Variants in LSM12 observed in about 807,000 individuals in gnomAD.
LSM12 encodes protein LSM12.
For missense variants in LSM12, 108 were observed against 238.9 expected (o/e 0.45, Z 3.61); for synonymous variants, 74 against 87.3 (o/e 0.85, Z 0.85).
At chr17:44,039,082 T>G (rs2049453191) in intron 3 of LSM12, among the ~76,000 whole-genome samples, 1 of 151,714 alleles carries the variant, frequency 6.6e-6, no homozygotes, top group East Asian at 1.9e-4. Flanking sequence ...TGAGACGGAG[T>G]TTTGCTCTTG....
intron 2 of LSM12, among the ~76,000 whole-genome samples, chr17:44,051,311 A>T (rs2049640071): frequency 6.7e-6 from 1 of 150,344 alleles, no homozygotes; most frequent in African/African-American, 2.5e-5. Context: ...GAATCGCTTG[A>T]ACCTGGGAGG....
chr17:44,065,513 G>T (rs1245670721), intron 1 of LSM12, among the ~76,000 whole-genome samples: 1 of 151,338 alleles, frequency 6.6e-6, no homozygotes, highest in African/African-American at 2.4e-5. Flanking sequence ...CCCACCTGTG[G>T]CTCACATAAA....
At chr17:44,041,810 A>G (rs2049498768) in intron 2 of LSM12, among the ~76,000 whole-genome samples, 1 of 152,220 alleles carries the variant, frequency 6.6e-6, no homozygotes, top group Admixed American at 6.5e-5. Context: ...AGACAAAACA[A>G]ATGTGCTAGA....
chr17:44,063,670 A>G, intron 2 of LSM12, 131 bp downstream of exon 2: 1 of 1,091,092 alleles, frequency 9.2e-7, no homozygotes, highest in Admixed American at 3.4e-5. Context: ...CATTTTTTAA[A>G]AAGATATCAG....
intron 2 of LSM12, among the ~76,000 whole-genome samples, chr17:44,042,528 T>C (rs1371383573): frequency 6.7e-6 from 1 of 150,034 alleles, no homozygotes; most frequent in Non-Finnish European, 1.5e-5. Context: ...GCCTCCAGAG[T>C]AGCTGGGATT....
chr17:44,065,275 A>G (rs1311684373), intron 1 of LSM12, among the ~76,000 whole-genome samples: 1 of 151,682 alleles, frequency 6.6e-6, no homozygotes, highest in South Asian at 2.1e-4. Context: ...TCTGTTAAAA[A>G]AAAACATATA....
At chr17:44,048,016 TAAACAC>T (rs1320688388) in intron 2 of LSM12, among the ~76,000 whole-genome samples, 2 of 86,600 alleles carry the variant, frequency 2.3e-5, no homozygotes, top group Non-Finnish European at 4.6e-5. Context: ...GTGTCCGTAT[TAAACAC>T]ACACACACAC....
At chr17:44,039,481 A>C (rs1216496868) in intron 3 of LSM12, among the ~76,000 whole-genome samples, 3 of 137,258 alleles carry the variant, frequency 2.2e-5, no homozygotes, top group Non-Finnish European at 4.5e-5. Context: ...TCCCGGGTTC[A>C]CGCCATTCTC....
At chr17:44,041,585 A>G (rs2049495463) in intron 2 of LSM12, among the ~76,000 whole-genome samples, 1 of 152,124 alleles carries the variant, frequency 6.6e-6, no homozygotes, top group Admixed American at 6.5e-5. Flanking sequence ...AGAAAAACGA[A>G]GAGTCTGAAT....
chr17:44,065,637 A>C (rs1001510199), intron 1 of LSM12, among the ~76,000 whole-genome samples: 2 of 152,106 alleles, frequency 1.3e-5, no homozygotes, highest in Non-Finnish European at 2.9e-5. Context: ...CACCTTTTCC[A>C]ATCAGTTTAA....
At chr17:44,048,471 G>C (rs2049600693) in intron 2 of LSM12, among the ~76,000 whole-genome samples, 1 of 132,834 alleles carries the variant, frequency 7.5e-6, no homozygotes, top group Non-Finnish European at 1.6e-5. Flanking sequence ...GACAGAGAGA[G>C]ACTCCATCTC....
intron 3 of LSM12, among the ~76,000 whole-genome samples, chr17:44,039,392 T>G (rs975199955): frequency 6.2e-5 from 8 of 128,620 alleles, no homozygotes; most frequent in Admixed American, 6.2e-4. Flanking sequence ...TTTTTTTTTT[T>G]GAGACGGAGT....
At chr17:44,049,496 T>C (rs1402374439) in intron 2 of LSM12, among the ~76,000 whole-genome samples, 1 of 152,172 alleles carries the variant, frequency 6.6e-6, no homozygotes, top group Non-Finnish European at 1.5e-5. Flanking sequence ...CAGGCTGGCC[T>C]TGAACTTCTG....
intron 1 of LSM12, 42 bp downstream of exon 1, chr17:44,066,422 T>G: frequency 1.3e-6 from 2 of 1,532,428 alleles, no homozygotes; most frequent in Non-Finnish European, 1.8e-6. Context: ...CCACCGCACC[T>G]ACACGCCGGC....
At chr17:44,062,743 C>G (rs1441668356) in intron 2 of LSM12, among the ~76,000 whole-genome samples, 1 of 151,910 alleles carries the variant, frequency 6.6e-6, no homozygotes, top group Non-Finnish European at 1.5e-5. Context: ...AAAAATTGAG[C>G]CAGGAGCAGT....
At position 44,036,311 on chromosome 17, in the gene LSM12, C is replaced by T. The variant is rs2049414916; in HGVS notation, c.496-11G>A. ...AAAATGTTTTTCAACCTGAAAAAGA[C>T]CAGGCAACCCAGGTCAACAAAGGAG... On this transcript the variant is annotated splice_polypyrimidine_tract_variant and intron_variant, in intron 4 of 4. Transcript: ENST00000293406. 1 of 1,613,944 alleles carries T rather than the reference C, an allele frequency of 6.2e-7. No individual in the cohort carries two copies. The highest frequency in any genetic ancestry group is 1.3e-5 in the African/African-American group (1 of 74,920).
chr17:44,052,486 C>A (rs986050871), intron 2 of LSM12, among the ~76,000 whole-genome samples: 1 of 151,998 alleles, frequency 6.6e-6, no homozygotes, highest in South Asian at 2.1e-4. Flanking sequence ...AGGCCGGGTG[C>A]GGTGGCTCAC....
chr17:44,045,936 C>T lies in LSM12; in HGVS notation c.259-5680G>A, dbSNP rs1429521446. Among the ~76,000 whole-genome samples the T allele has an allele frequency of 1.6e-4, 20 of 122,548 alleles. No individual in the cohort carries two copies. In the East Asian group the frequency reaches 3.5e-3, roughly 21 times the overall value. The allele number at this position is 122,548 out of a possible 152,430, so 80.4% of individuals were successfully genotyped here. ...TGTATGTAAAAGTAAAAATATTTTA[C>T]TTTTTTTTTTTTTTTTTTGAGACGG... On this transcript the variant is annotated intron_variant, in intron 2 of 4. Transcript: ENST00000293406.
chr17:44,054,500 G>C (rs950500178), intron 2 of LSM12, among the ~76,000 whole-genome samples: 1 of 152,060 alleles, frequency 6.6e-6, no homozygotes, highest in Non-Finnish European at 1.5e-5. Context: ...TGTACAGACA[G>C]GGTCTATGTT....
Sources: allele counts gnomAD v4.1 joint callset (sites outside exome capture counted in the v4.1 genomes callset), GRCh38; gene constraint gnomAD v4.1.1; transcripts MANE v1.5; gene names NCBI Gene and HGNC (gene_info 2026-07-23, HGNC 2026-07-21).